The following MITF variants were observed in gnomAD, a reference collection of about 807,000 sequenced individuals.
MITF encodes melanocyte inducing transcription factor, also known as microphthalmia-associated transcription factor.
Under a neutral mutation model 60.5 loss-of-function variants are expected in MITF, and 17 were observed. The ratio of observed to expected loss-of-function variants is 0.28; its 90% CI spans 0.19 to 0.42. The LOEUF (loss-of-function observed/expected upper bound fraction) is 0.42, where lower values mean the gene tolerates loss of function less well. Ranked by LOEUF, MITF falls within the 10% of genes least tolerant of loss-of-function variation. MITF has a pLI of 1.00. For missense variants in MITF, 622 were observed against 683.5 expected (o/e 0.91, Z 1.00); for synonymous variants, 260 against 248.5 (o/e 1.05, Z -0.43).
intron 9 of MITF, among the ~76,000 whole-genome samples, chr3:69,959,910 G>A (rs1471430998): frequency 3.3e-5 from 5 of 152,182 alleles, no homozygotes; most frequent in South Asian, 2.1e-4. Context: ...GATAAGCTTC[G>A]TTCAGGCATG....
chr3:69,870,371 CGT>C (rs546016695), intron 1 of MITF, among the ~76,000 whole-genome samples: 89 of 143,458 alleles, frequency 6.2e-4, no homozygotes, highest in South Asian at 2.2e-3. Context: ...TGTATATATA[CGT>C]GTGTGTGTAT....
intron 1 of MITF, among the ~76,000 whole-genome samples, chr3:69,745,848 C>T (rs1416798663): frequency 1.3e-5 from 2 of 152,256 alleles, no homozygotes; most frequent in East Asian, 3.9e-4. Flanking sequence ...GAACCCACCC[C>T]CTTAGGGTTG....
intron 2 of MITF, among the ~76,000 whole-genome samples, chr3:69,913,338 G>A (rs953782948): frequency 2.6e-5 from 4 of 152,068 alleles, no homozygotes; most frequent in African/African-American, 9.7e-5. Context: ...TACAGTGTTA[G>A]TAGTATTACT....
At chr3:69,921,058 CAG>C (rs1237432005) in intron 2 of MITF, among the ~76,000 whole-genome samples, 1 of 152,136 alleles carries the variant, frequency 6.6e-6, no homozygotes, top group Non-Finnish European at 1.5e-5. Context: ...TTAGTAGAGA[CAG>C]GGTTTCACCA....
At chr3:69,785,501 C>T (rs2062634060) in intron 1 of MITF, among the ~76,000 whole-genome samples, 1 of 152,154 alleles carries the variant, frequency 6.6e-6, no homozygotes, top group Admixed American at 6.5e-5. Flanking sequence ...GCTTGGGTGC[C>T]CAAATTCATG....
intron 2 of MITF, among the ~76,000 whole-genome samples, chr3:69,929,507 T>C (rs761619713): frequency 2.6e-5 from 4 of 152,172 alleles, no homozygotes; most frequent in Non-Finnish European, 5.9e-5. Context: ...TCATTAGCTC[T>C]GGTTTGGGGC....
chr3:69,740,256 G>A lies in MITF; in HGVS notation c.104+555G>A, dbSNP rs374918320. Among the ~76,000 whole-genome samples, 4 of 152,088 alleles carry A rather than the reference G, an allele frequency of 2.6e-5. No homozygotes were observed. In the East Asian group the frequency reaches 5.9e-4, roughly 22 times the overall value. ...GGCTCCTGCAGGTGAGGTTTCTCTGGGCTCCGCCTCTCACCTCCAGACCGC... is the reference window on the plus strand; with the variant it reads ...GGCTCCTGCAGGTGAGGTTTCTCTGAGCTCCGCCTCTCACCTCCAGACCGC... On this transcript the variant is annotated intron_variant, in intron 1 of 9. Transcript: ENST00000352241.
chr3:69,758,234 A>G (rs757862995), intron 1 of MITF, among the ~76,000 whole-genome samples: 2 of 151,702 alleles, frequency 1.3e-5, no homozygotes, highest in Admixed American at 6.6e-5. Flanking sequence ...CGGGGATGCA[A>G]TCATAGCTTC....
At chr3:69,861,974 A>G (rs1453392155) in intron 1 of MITF, among the ~76,000 whole-genome samples, 2 of 152,014 alleles carry the variant, frequency 1.3e-5, no homozygotes, top group East Asian at 1.9e-4. Flanking sequence ...TCTTTATTCA[A>G]TAAATAAAAG....
At chr3:69,860,255 T>C (rs1285826679) in intron 1 of MITF, among the ~76,000 whole-genome samples, 3 of 152,206 alleles carry the variant, frequency 2.0e-5, no homozygotes, top group African/African-American at 7.2e-5. Context: ...GTGGTATTGA[T>C]TATTATATTA....
chr3:69,839,923 G>A (rs1232526441), intron 1 of MITF, among the ~76,000 whole-genome samples: 1 of 150,710 alleles, frequency 6.6e-6, no homozygotes, highest in Non-Finnish European at 1.5e-5. Context: ...CTGAAACCCT[G>A]TTGCAAGGGC....
chr3:69,820,771 C>G (rs1193871811), intron 1 of MITF, among the ~76,000 whole-genome samples: 1 of 152,156 alleles, frequency 6.6e-6, no homozygotes, highest in Non-Finnish European at 1.5e-5. Flanking sequence ...GCCCAACACT[C>G]TGCACTTTGG....
At chr3:69,745,796 C>T (rs1703703345) in intron 1 of MITF, among the ~76,000 whole-genome samples, 1 of 152,130 alleles carries the variant, frequency 6.6e-6, no homozygotes. Flanking sequence ...AACTTAACTT[C>T]TTGGAGTCTC....
intron 2 of MITF, among the ~76,000 whole-genome samples, chr3:69,920,808 T>C (rs1559721012): frequency 6.6e-6 from 1 of 152,152 alleles, no homozygotes; most frequent in Non-Finnish European, 1.5e-5. Flanking sequence ...TATCTCTTTG[T>C]CTTGTGTCTT....
intron 1 of MITF, among the ~76,000 whole-genome samples, chr3:69,758,526 TA>T (rs1226213123): frequency 1.3e-5 from 2 of 152,192 alleles, no homozygotes; most frequent in Non-Finnish European, 2.9e-5. Flanking sequence ...ATCACTTTTT[TA>T]AAAGGCTTTA....
intron 1 of MITF, among the ~76,000 whole-genome samples, chr3:69,847,245 C>A (rs1405047524): frequency 6.6e-6 from 1 of 152,164 alleles, no homozygotes; most frequent in Non-Finnish European, 1.5e-5. Context: ...ACAGTAAGAG[C>A]TCAGTACATA....
intron 1 of MITF, among the ~76,000 whole-genome samples, chr3:69,823,326 A>G (rs563765096): frequency 3.3e-4 from 50 of 152,290 alleles, no homozygotes; most frequent in African/African-American, 1.2e-3. Context: ...AGCTTACACA[A>G]CATATTTATT....
chr3:69,841,638 G>C (rs1280196052), intron 1 of MITF, among the ~76,000 whole-genome samples: 1 of 152,188 alleles, frequency 6.6e-6, no homozygotes, highest in Non-Finnish European at 1.5e-5. Context: ...ATGTCACAGA[G>C]CACAGTGCTC....
chr3:69,777,861 G>A (rs2062499551), intron 1 of MITF, among the ~76,000 whole-genome samples: 2 of 152,138 alleles, frequency 1.3e-5, no homozygotes, highest in Non-Finnish European at 2.9e-5. Flanking sequence ...TTAAGCCATG[G>A]TAAGAAGGGT....
Sources: allele counts gnomAD v4.1 joint callset (sites outside exome capture counted in the v4.1 genomes callset), GRCh38; gene constraint gnomAD v4.1.1; transcripts MANE v1.5; gene names NCBI Gene and HGNC (gene_info 2026-07-23, HGNC 2026-07-21).